BEAN1: variants seen among roughly 807,000 people sequenced by gnomAD.
BEAN1 encodes the protein protein BEAN1.
In BEAN1, 17 loss-of-function variants were observed where a neutral mutation model predicts 17.7. The observed-to-expected ratio is 0.96, with a 90% CI of 0.66 to 1.44. The LOEUF is 1.44. Among genes scored for constraint, BEAN1 ranks in the 40% most tolerant of loss-of-function variants. The probability of loss-of-function intolerance (pLI) is 0.00; values close to 1 mark genes in which losing one functional copy is unlikely to be tolerated. For missense variants in BEAN1, 359 were observed against 374.1 expected (o/e 0.96, Z 0.33); for synonymous variants, 142 against 151.8 (o/e 0.94, Z 0.47).
intron 1 of BEAN1, among the ~76,000 whole-genome samples, chr16:66,435,431 A>C (rs563873623): frequency 6.6e-6 from 1 of 152,348 alleles, no homozygotes; most frequent in Non-Finnish European, 1.5e-5. Flanking sequence ...TGGAGGCCCC[A>C]GTGCCCAGAA....
intron 4 of BEAN1, among the ~76,000 whole-genome samples, chr16:66,490,419 TAAAATA>T (rs1567514417): frequency 7.9e-6 from 1 of 126,810 alleles, no homozygotes; most frequent in Non-Finnish European, 1.6e-5. Context: ...TAAAATAAAA[TAAAATA>T]AAATAAAATA....
rs1963479350 is a variant in BEAN1 at position 66,471,451 on chromosome 16, G to A, written c.289+1586G>A. Among the ~76,000 whole-genome samples the A allele has an allele frequency of 6.6e-6, 1 of 152,244 alleles. No individual in the cohort carries two copies. Among genetic ancestry groups the A allele is most frequent in the Non-Finnish European group, 1.5e-5 (1 of 68,046 alleles). ...GCACTGCCCAGGAAGGGAGCTGGAG[G>A]TGTCGGGGAGACGCCCCTGGGAGCC... On this transcript the variant is annotated intron_variant, in intron 3 of 4. Transcript: ENST00000536005. This position sits in a 1 kb window ranked among gnomAD's most constrained non-coding sequence, Gnocchi z 4.7.
chr16:66,437,841 G>T, intron 2 of BEAN1, 140 bp downstream of exon 2: 1 of 1,148,040 alleles, frequency 8.7e-7, no homozygotes, highest in Non-Finnish European at 1.3e-6. Context: ...CATGCTGGGT[G>T]GGGAGAGGGC....
chr16:66,492,120 C>T (rs556172111), intron 4 of BEAN1, among the ~76,000 whole-genome samples: 1 of 152,242 alleles, frequency 6.6e-6, no homozygotes, highest in African/African-American at 2.4e-5. Flanking sequence ...TGGCTCACTG[C>T]AACTTCTGCC....
chr16:66,439,094 G>T (rs1302983852), intron 2 of BEAN1, among the ~76,000 whole-genome samples: 2 of 152,308 alleles, frequency 1.3e-5, no homozygotes, highest in South Asian at 2.1e-4. Flanking sequence ...GCTGCAGTGG[G>T]AGGTAGGGGA....
At chr16:66,480,007 T>G (rs1466439217) in intron 4 of BEAN1, among the ~76,000 whole-genome samples, 1 of 152,106 alleles carries the variant, frequency 6.6e-6, no homozygotes, top group African/African-American at 2.4e-5. Flanking sequence ...CACCATTCCC[T>G]GCTAGGAGAC....
Position 66,480,876 on chromosome 16 carries a change from C to T in BEAN1, c.731C>T (p.Ser244Leu). The change falls in exon 5 of 5, where the codon TCA becomes TTA. Residue 244 changes from serine (S) to leucine (L), a missense_variant. Coordinates refer to ENST00000536005, the MANE Select transcript of BEAN1 (RefSeq NM_001178020.3). ...PDPGPRGSQG[S>L]PTPTRAPASG... ...CCAGGGCCAAGGGGCTCCCAGGGCT[C>T]ACCCACCCCAACCCGGGCCCCAGCC... is the stretch of plus-strand genomic sequence containing the variant. 1 of 1,480,130 alleles carries T rather than the reference C, an allele frequency of 6.8e-7. No individual in the cohort carries two copies. 91.7% of individuals were successfully genotyped at this position (1,480,130 alleles called of 1,614,324 possible).
rs779249428 is a variant in BEAN1 at position 66,480,768 on chromosome 16, T to A, written c.623T>A (p.Val208Asp). 2.7e-5 allele frequency: 42 copies of A among 1,551,060 alleles called. No individual in the cohort carries two copies. In the South Asian group the frequency reaches 4.4e-4, roughly 16 times the overall value. The part of the protein sequence containing the change: ...RTPAQGGLHT[V>D]SMDTLPPYEA... ...CCGGCCCAAGGTGGCCTTCACACGG[T>A]CTCCATGGACACCCTTCCCCCCTAC... The change falls in exon 5 of 5, where the codon GTC (valine) becomes GAC (aspartate). Residue 208 changes from valine (V) to aspartate (D), a missense_variant. Physicochemically the swap from Val to Asp is radical, Grantham distance 152. Transcript: ENST00000536005.
chr16:66,479,806 T>C (rs760322151), intron 4 of BEAN1, among the ~76,000 whole-genome samples: 6 of 152,162 alleles, frequency 3.9e-5, no homozygotes, highest in Non-Finnish European at 8.8e-5. Flanking sequence ...CAGGTGGAGC[T>C]TGTGGCCAGG....
rs148428240 is a variant in BEAN1, at chr16:66,465,319, C to T, written c.26-4283C>T. Reference sequence around the variant, plus strand: ...AGTATTTTGTTGGGGATTTTTGCACCTATATTCCTAGGAGATATTGTTCTG... The same window carrying T: ...AGTATTTTGTTGGGGATTTTTGCACTTATATTCCTAGGAGATATTGTTCTG... On this transcript the variant is annotated intron_variant, in intron 2 of 4. Coordinates refer to ENST00000536005, the MANE Select transcript of BEAN1 (RefSeq NM_001178020.3). Among the ~76,000 whole-genome samples the T allele has an allele frequency of 1.1e-4, 16 of 152,148 alleles. No homozygotes were observed. In the East Asian group the frequency reaches 3.1e-3, roughly 29 times the overall value.
At chr16:66,488,527 A>AC (rs1964120553) in intron 4 of BEAN1, among the ~76,000 whole-genome samples, 1 of 143,944 alleles carries the variant, frequency 6.9e-6, no homozygotes, top group African/African-American at 2.8e-5. Context: ...CCAAAAAAAA[A>AC]AAAAAAAAAA....
intron 2 of BEAN1, among the ~76,000 whole-genome samples, chr16:66,444,452 G>A (rs779294958): frequency 2.6e-5 from 4 of 152,148 alleles, no homozygotes; most frequent in African/African-American, 4.8e-5. Flanking sequence ...AGGTCCCCTC[G>A]GTGGTCCCTG....
intron 2 of BEAN1, among the ~76,000 whole-genome samples, chr16:66,467,917 G>A (rs1472012453): frequency 6.6e-6 from 1 of 152,254 alleles, no homozygotes; most frequent in Non-Finnish European, 1.5e-5. Context: ...CCCAGCTAAG[G>A]TCCCGAGTTT....
At chr16:66,446,932 G>T (rs1449662622) in intron 2 of BEAN1, among the ~76,000 whole-genome samples, 1 of 152,168 alleles carries the variant, frequency 6.6e-6, no homozygotes, top group Non-Finnish European at 1.5e-5. Flanking sequence ...GTCCTCTGCA[G>T]GTGTCACTGC....
chr16:66,448,739 CT>C (rs1962552245), intron 2 of BEAN1, among the ~76,000 whole-genome samples: 1 of 152,226 alleles, frequency 6.6e-6, no homozygotes, highest in Non-Finnish European at 1.5e-5. Flanking sequence ...AGGAGAATCT[CT>C]TGAACCCAGG....
intron 2 of BEAN1, among the ~76,000 whole-genome samples, chr16:66,439,598 G>A (rs1393579910): frequency 7.6e-6 from 1 of 131,000 alleles, no homozygotes; most frequent in East Asian, 2.0e-4. Context: ...TCCACCTCCT[G>A]AGGACTCCAG....
chr16:66,432,352 G>A (rs1200187227), intron 1 of BEAN1, among the ~76,000 whole-genome samples: 1 of 152,188 alleles, frequency 6.6e-6, no homozygotes, highest in African/African-American at 2.4e-5. Context: ...AGACCTTCCT[G>A]GGACAGGAGA....
downstream of BEAN1, among the ~76,000 whole-genome samples, chr16:66,495,199 C>G (rs557234443): frequency 1.0e-3 from 156 of 152,338 alleles, no homozygotes; most frequent in African/African-American, 3.7e-3. Context: ...AGCCCCTACA[C>G]AGGCTTTCTG....
intron 2 of BEAN1, among the ~76,000 whole-genome samples, chr16:66,443,952 A>G (rs1317773884): frequency 6.6e-6 from 1 of 152,230 alleles, no homozygotes; most frequent in South Asian, 2.1e-4. Context: ...CTGGGATTAC[A>G]GGCATGAGCC....
Sources: gnomAD v4.1 joint callset for allele counts (sites outside exome capture counted in the v4.1 genomes callset) on GRCh38, gnomAD v4.1.1 for gene constraint, Gnocchi (gnomAD v3.1) non-coding constraint, MANE v1.5 for transcripts, NCBI Gene and HGNC (gene_info 2026-07-23, HGNC 2026-07-21) for gene names.